The following PSMG3 variants were observed in gnomAD, a reference collection of about 807,000 sequenced individuals.
The protein encoded by PSMG3 is PAC-3.
In PSMG3, 4 loss-of-function variants were observed where a neutral mutation model predicts 7.9. The ratio of observed to expected loss-of-function variants is 0.51; its 90% CI spans 0.25 to 1.16. PSMG3 has a LOEUF of 1.16. Among genes scored for constraint, PSMG3 ranks in the 50% most tolerant of loss-of-function variants. PSMG3 has a pLI of 0.15. For synonymous variants in PSMG3, 81 were observed against 69.8 expected, an observed-to-expected ratio of 1.16 and a Z score of -0.80; for missense variants, 151 against 157.4, an observed-to-expected ratio of 0.96 and a Z score of 0.22.
chr7:1,567,896 G>A (rs752387103), intron 1 of PSMG3, 46 bp from the exon 2 acceptor site: 27 of 1,592,066 alleles, frequency 1.7e-5, no homozygotes, highest in Admixed American at 3.5e-5. Flanking sequence ...AAGAAACCTG[G>A]TTTTTTCCTC....
rs562653944 is a variant in PSMG3, at chr7:1,567,716, C to T, written c.351G>A (p.Arg117=). ...CTCCAGGTCACCACACCTGGCACACCCGGATCACCTCCCTCAGCGCCTTCA... is the reference window on the plus strand; with the variant it reads ...CTCCAGGTCACCACACCTGGCACACTCGGATCACCTCCCTCAGCGCCTTCA... ...EGLKALREVI[R]VCQVW The change falls in exon 2 of 2, where the codon CGG becomes CGA. Residue 117 remains arginine, a synonymous_variant. Coordinates refer to ENST00000288607, the MANE Select transcript of PSMG3 (RefSeq NM_032302.4). 3.1e-6 allele frequency: 5 copies of T among 1,613,968 alleles called. No homozygotes were observed. The South Asian group carries it at 4.4e-5, about 14-fold the overall frequency.
In PSMG3 at chr7:1,567,603, C is replaced by T; in HGVS notation, c.*95G>A. ...TCCAAGGGCTAGTGCCAAAGTTCCT[C>T]CCTCCACCGGGGAGGGAGGTGAGAC... On this transcript the variant is annotated 3_prime_UTR_variant, in exon 2 of 2. Coordinates refer to ENST00000288607, the MANE Select transcript of PSMG3 (RefSeq NM_032302.4). 7.7e-7 allele frequency: 1 copy of T among 1,303,806 alleles called. No homozygotes were observed. Among genetic ancestry groups the T allele is most frequent in the Non-Finnish European group, 1.1e-6 (1 of 950,926 alleles). 80.8% of individuals were successfully genotyped at this position (1,303,806 alleles called of 1,614,324 possible). A position where few individuals can be genotyped will look rare whatever the true frequency, so the allele number is the denominator to read the frequency against.
chr7:1,569,601 C>A lies in PSMG3; in HGVS notation c.-262G>T. 7.2e-5 allele frequency: 14 copies of A among 195,154 alleles called. No homozygotes were observed. Among genetic ancestry groups the A allele is most frequent in the South Asian group, 1.7e-4 (1 of 5,966 alleles). 12.1% of individuals were successfully genotyped at this position (195,154 alleles called of 1,614,324 possible). On this transcript the variant is annotated 5_prime_UTR_variant, in exon 1 of 2. Transcript: ENST00000288607. ...GGCCAACATAGCGAGACCCCCATCT[C>A]TACCAAAAAAAAAAAAAAAAAAAAC...
chr7:1,569,155 A>T lies in PSMG3; in HGVS notation c.185T>A (p.Leu62His). 1 of 1,613,570 alleles carries T rather than the reference A, an allele frequency of 6.2e-7. No homozygotes were observed. The highest frequency in any genetic ancestry group is 8.5e-7 in the Non-Finnish European group (1 of 1,180,028). The change falls in exon 1 of 2, where the codon CTC (leucine) becomes CAC (histidine). Residue 62 changes from leucine to histidine, a missense_variant. By Grantham distance (99) the Leu-to-His change is moderately conservative (BLOSUM62 -3). Transcript: ENST00000288607. The stretch of plus-strand genomic sequence containing the variant: ...CTGCCCCAGAAGGACTTTTGTGGTG[A>T]GCACAGGCTTGCTGACGTCACTGGC... ...SVASDVSKPV[L>H]TTKVLLGQDE...
In PSMG3 at chr7:1,567,335, T is replaced by C. The variant is rs1778791495; in HGVS notation, c.*363A>G. 5.5e-6 allele frequency: 1 copy of C among 181,862 alleles called. No homozygotes were observed. The highest frequency in any genetic ancestry group is 1.5e-4 in the East Asian group (1 of 6,846). 11.3% of individuals were successfully genotyped at this position (181,862 alleles called of 1,614,324 possible). On this transcript the variant is annotated 3_prime_UTR_variant, in exon 2 of 2. Coordinates refer to ENST00000288607, the MANE Select transcript of PSMG3 (RefSeq NM_032302.4). ...TGTTAAGGAGGACAGTGAAGTATTT[T>C]GGGATACACATTCGCTTTTAATAAA...
rs1393388112 is a variant in PSMG3, at chr7:1,569,482, A to C, written c.-143T>G. 3 of 695,040 alleles carry C rather than the reference A, an allele frequency of 4.3e-6. No homozygotes were observed. The highest frequency in any genetic ancestry group is 2.8e-5 in the East Asian group (1 of 36,192). 43.1% of individuals were successfully genotyped at this position (695,040 alleles called of 1,614,324 possible). A position where few individuals can be genotyped will look rare whatever the true frequency, so the allele number is the denominator to read the frequency against. ...AAACGCAAGGAGGCCCATTCAAAAG[A>C]AGGGGCCAGGCGCGGTGGCTCATGC... On this transcript the variant is annotated 5_prime_UTR_variant, in exon 1 of 2. Coordinates refer to ENST00000288607, the MANE Select transcript of PSMG3 (RefSeq NM_032302.4).
At chr7:1,567,924 T>A in intron 1 of PSMG3, 74 bp from the exon 2 acceptor site, 1 of 1,489,616 alleles carries the variant, frequency 6.7e-7, no homozygotes, top group Non-Finnish European at 9.1e-7. Context: ...TCATGAAGTA[T>A]CCCTTAGGAA....
At chr7:1,568,642 T>A (rs936571364) in intron 1 of PSMG3, among the ~76,000 whole-genome samples, 1 of 150,448 alleles carries the variant, frequency 6.6e-6, no homozygotes. Context: ...ATTTTTTGTT[T>A]CCTTTTCTTT....
chr7:1,569,237 C>T lies in PSMG3; in HGVS notation c.103G>A (p.Val35Met). The T allele has an allele frequency of 1.2e-6, 2 of 1,613,798 alleles. No homozygotes were observed. The highest frequency in any genetic ancestry group is 1.7e-6 in the Non-Finnish European group (2 of 1,180,030). ...CTAFSSHILV[V>M]VTQFGKMGTL... Reference sequence around the variant, plus strand: ...CCCATCTTCCCAAACTGGGTCACCACCACCAGGATGTGACTGCTGAAGGCC... The same window carrying T: ...CCCATCTTCCCAAACTGGGTCACCATCACCAGGATGTGACTGCTGAAGGCC... The change falls in exon 1 of 2, where the codon GTG becomes ATG. Residue 35 changes from valine (V) to methionine (M), a missense_variant. Coordinates refer to ENST00000288607, the MANE Select transcript of PSMG3 (RefSeq NM_032302.4).
intron 1 of PSMG3, 60 bp downstream of exon 1, chr7:1,569,064 G>A (rs1399686862): frequency 1.4e-6 from 2 of 1,470,858 alleles, no homozygotes; most frequent in East Asian, 2.3e-5. Context: ...TGCCCGCCTA[G>A]GCCTCTGAAA....
intron 1 of PSMG3, 141 bp downstream of exon 1, chr7:1,568,983 T>C: frequency 1.5e-6 from 1 of 685,854 alleles, no homozygotes. Context: ...GGCACTTGTT[T>C]TTTTGTAGTG....
Position 1,569,861 on chromosome 7 carries a change from G to A in PSMG3, c.-522C>T, listed in dbSNP as rs899722681. Reference sequence around the variant, plus strand: ...ATCGACTTGCACGTTCACACTGCCAGGCCGGGCAGTGGCTTCCCGCCCCTC... The same window carrying A: ...ATCGACTTGCACGTTCACACTGCCAAGCCGGGCAGTGGCTTCCCGCCCCTC... On this transcript the variant is annotated 5_prime_UTR_variant, in exon 1 of 2. Transcript: ENST00000288607. 3 of 152,054 alleles carry A rather than the reference G, an allele frequency of 2.0e-5. No individual in the cohort carries two copies. Among genetic ancestry groups the A allele is most frequent in the Non-Finnish European group, 2.9e-5 (2 of 68,008 alleles). 9.4% of individuals were successfully genotyped at this position (152,054 alleles called of 1,614,324 possible).
Position 1,567,821 on chromosome 7 carries a change from C to T in PSMG3, c.246G>A (p.Leu82=). The stretch of plus-strand genomic sequence containing the variant: ...CAGCTTCTTGAGACACAAACGCTAC[C>T]AGGTTCTTTGCAAAGACATGGATGA... The part of the protein sequence containing the change: ...EPLIHVFAKN[L]VAFVSQEAGN... Residue 82 remains leucine (L), a synonymous_variant, in exon 2 of 2, where the codon CTG becomes CTA. Transcript: ENST00000288607. 6.2e-7 allele frequency: 1 copy of T among 1,613,888 alleles called. No homozygotes were observed. Among genetic ancestry groups the T allele is most frequent in the East Asian group, 2.2e-5 (1 of 44,880 alleles).
Position 1,569,585 on chromosome 7 carries a change from A to G in PSMG3, c.-246T>C, listed in dbSNP as rs947687839. The G allele has an allele frequency of 1.4e-5, 4 of 280,196 alleles. No individual in the cohort carries two copies. The highest frequency in any genetic ancestry group is 6.9e-5 in the African/African-American group (3 of 43,376). The allele number at this position is 280,196 out of a possible 1,614,324, so 17.4% of individuals were successfully genotyped here. A position where few individuals can be genotyped will look rare whatever the true frequency, so the allele number is the denominator to read the frequency against. Reference sequence around the variant, plus strand: ...AATTCGAGACCAGCCTGGCCAACATAGCGAGACCCCCATCTCTACCAAAAA... The same window carrying G: ...AATTCGAGACCAGCCTGGCCAACATGGCGAGACCCCCATCTCTACCAAAAA... On this transcript the variant is annotated 5_prime_UTR_variant, in exon 1 of 2. Transcript: ENST00000288607.
In PSMG3 at chr7:1,569,237, C is replaced by G. The variant is rs1778831856; in HGVS notation, c.103G>C (p.Val35Leu). The G allele has an allele frequency of 6.2e-7, 1 of 1,613,680 alleles. No homozygotes were observed. Among genetic ancestry groups the G allele is most frequent in the Non-Finnish European group, 8.5e-7 (1 of 1,180,038 alleles). ...CCCATCTTCCCAAACTGGGTCACCA[C>G]CACCAGGATGTGACTGCTGAAGGCC... is the stretch of plus-strand genomic sequence containing the variant. The part of the protein sequence containing the change: ...CTAFSSHILV[V>L]VTQFGKMGTL... The change falls in exon 1 of 2, where the codon GTG becomes CTG. Residue 35 changes from valine to leucine, a missense_variant. By Grantham distance (32) the Val-to-Leu change is conservative. Transcript: ENST00000288607.
chr7:1,568,977 C>T, intron 1 of PSMG3, 147 bp downstream of exon 1: 1 of 661,028 alleles, frequency 1.5e-6, no homozygotes, highest in Non-Finnish European at 2.6e-6. Context: ...TGTGTAGGCA[C>T]TTGTTTTTTT....
Position 1,570,012 on chromosome 7 carries a change from G to A in PSMG3, c.-673C>T, listed in dbSNP as rs534334622. On this transcript the variant is annotated 5_prime_UTR_variant, in exon 1 of 2. Transcript: ENST00000288607. ...GCCCGCGGGTACCCGCGCTCACCAA[G>A]CCGGCGCCGCGCCCGGAAGTGGCTC... The A allele has an allele frequency of 4.6e-5, 7 of 152,120 alleles. No homozygotes were observed. The East Asian group carries it at 5.8e-4, about 13-fold the overall frequency. 9.4% of individuals were successfully genotyped at this position (152,120 alleles called of 1,614,324 possible).
In PSMG3 at chr7:1,569,316, T is replaced by C. The variant is rs1356048147; in HGVS notation, c.24A>G (p.Ile8Met). Residue 8 changes from isoleucine to methionine, a missense_variant, in exon 1 of 2, where the codon ATA becomes ATG. Coordinates refer to ENST00000288607, the MANE Select transcript of PSMG3 (RefSeq NM_032302.4). MEDTPLVISKQKTEVVCG... is the reference protein window; with the variant it reads MEDTPLVMSKQKTEVVCG... ...ACACCACCTCCGTCTTCTGCTTCGA[T>C]ATCACCAACGGCGTGTCTTCCATGG... 3.7e-6 allele frequency: 6 copies of C among 1,610,218 alleles called. No homozygotes were observed. In the East Asian group the frequency reaches 1.3e-4, roughly 36 times the overall value.
In PSMG3 at chr7:1,569,178, G is replaced by A; in HGVS notation, c.162C>T (p.Ala54=). 6.2e-7 allele frequency: 1 copy of A among 1,613,532 alleles called. No homozygotes were observed. Among genetic ancestry groups the A allele is most frequent in the Non-Finnish European group, 8.5e-7 (1 of 1,180,034 alleles). Residue 54 remains alanine, a synonymous_variant, in exon 1 of 2, where the codon GCC becomes GCT. Transcript: ENST00000288607. Reference sequence around the variant, plus strand: ...TGAGCACAGGCTTGCTGACGTCACTGGCCACGCTGCTGGGCTCCAGGGAGA... The same window carrying A: ...TGAGCACAGGCTTGCTGACGTCACTAGCCACGCTGCTGGGCTCCAGGGAGA... ...TLVSLEPSSV[A]SDVSKPVLTT...
Sources: gnomAD v4.1 joint callset for allele counts (sites outside exome capture counted in the v4.1 genomes callset) on GRCh38, gnomAD v4.1.1 for gene constraint, MANE v1.5 for transcripts, NCBI Gene and HGNC (gene_info 2026-07-23, HGNC 2026-07-21) for gene names.